Variants in TMEM132D observed in about 807,000 individuals in gnomAD.
TMEM132D encodes the protein mature OL transmembrane protein.
A neutral mutation model predicts 62.3 loss-of-function variants in TMEM132D; 21 were observed. That is an observed-to-expected ratio of 0.34 (90% CI 0.24 to 0.49). The LOEUF (loss-of-function observed/expected upper bound fraction) is 0.49. TMEM132D is among the 20% of genes least tolerant of loss of function. The pLI is 0.99. For missense variants in TMEM132D, 1,346 were observed against 1,402.8 expected, an observed-to-expected ratio of 0.96 and a Z score of 0.65; for synonymous variants, 621 against 575.6, an observed-to-expected ratio of 1.08 and a Z score of -1.13.
At chr12:129,320,778 TA>T (rs1460925923) in intron 4 of TMEM132D, among the ~76,000 whole-genome samples, 4 of 152,146 alleles carry the variant, frequency 2.6e-5, no homozygotes, top group South Asian at 2.1e-4. Flanking sequence ...TGGAGTACAA[TA>T]GGGGCAGTGG....
At chr12:129,521,225 C>T (rs1036675005) in intron 3 of TMEM132D, 7 of 152,208 alleles carry the variant, frequency 4.6e-5, no homozygotes, top group African/African-American at 7.2e-5. Flanking sequence ...GTTGAATTTA[C>T]ACCCAGCATC....
At chr12:129,749,074 G>A (rs1010934036) in intron 1 of TMEM132D, among the ~76,000 whole-genome samples, 2 of 152,280 alleles carry the variant, frequency 1.3e-5, no homozygotes, top group East Asian at 1.9e-4. Flanking sequence ...ATGCTGCTGC[G>A]CTCCATCCAC....
intron 1 of TMEM132D, among the ~76,000 whole-genome samples, chr12:129,822,457 G>A (rs74556907): frequency 0.013 from 1,943 of 152,282 alleles, 46 homozygotes; most frequent in African/African-American, 0.044. Context: ...AGTCACACAG[G>A]ACGCACTTAA....
At chr12:129,111,950 C>G (rs942669724) in intron 5 of TMEM132D, among the ~76,000 whole-genome samples, 1 of 152,170 alleles carries the variant, frequency 6.6e-6, no homozygotes, top group South Asian at 2.1e-4. Context: ...GGTCCCTTGG[C>G]ACTCTTCATC....
chr12:129,831,793 A>G (rs1872840519), intron 1 of TMEM132D, among the ~76,000 whole-genome samples: 2 of 150,404 alleles, frequency 1.3e-5, no homozygotes, highest in South Asian at 4.2e-4. Context: ...CCTCCCAACA[A>G]CCCCCAGGCT....
chr12:129,702,806 C>A (rs941890200), intron 1 of TMEM132D, among the ~76,000 whole-genome samples: 1 of 152,212 alleles, frequency 6.6e-6, no homozygotes, highest in Admixed American at 6.5e-5. Flanking sequence ...TTGATAAACA[C>A]GTGAATGAAT....
chr12:129,557,441 G>A (rs1401797226), intron 2 of TMEM132D, among the ~76,000 whole-genome samples: 6 of 152,218 alleles, frequency 3.9e-5, no homozygotes, highest in Admixed American at 3.9e-4. Flanking sequence ...ATGGCCGGGT[G>A]CCATGGCTCA....
At chr12:129,221,087 G>C (rs1246803806) in intron 4 of TMEM132D, among the ~76,000 whole-genome samples, 4 of 152,320 alleles carry the variant, frequency 2.6e-5, no homozygotes, top group Non-Finnish European at 4.4e-5. Context: ...GTTCAGAAGA[G>C]ACCTGTGAAC....
intron 2 of TMEM132D, among the ~76,000 whole-genome samples, chr12:129,577,826 G>T (rs1361876506): frequency 6.6e-6 from 1 of 152,038 alleles, no homozygotes; most frequent in Non-Finnish European, 1.5e-5. Context: ...TGTAGAGAGA[G>T]AGAATAGTTA....
chr12:129,526,891 G>A (rs959084311), intron 3 of TMEM132D, among the ~76,000 whole-genome samples: 2 of 152,220 alleles, frequency 1.3e-5, no homozygotes, highest in Non-Finnish European at 2.9e-5. Flanking sequence ...AAGAAAGAAA[G>A]GTGCCTGGGA....
At chr12:129,135,880 A>C (rs1174058255) in intron 5 of TMEM132D, among the ~76,000 whole-genome samples, 1 of 152,152 alleles carries the variant, frequency 6.6e-6, no homozygotes, top group African/African-American at 2.4e-5. Flanking sequence ...GTCTCTCTAC[A>C]CAGCATTCTC....
chr12:129,208,361 T>C (rs1333592627), intron 5 of TMEM132D, among the ~76,000 whole-genome samples: 1 of 152,126 alleles, frequency 6.6e-6, no homozygotes, highest in Non-Finnish European at 1.5e-5. Flanking sequence ...GTGAAGAAGA[T>C]TCTGGAATGA....
intron 2 of TMEM132D, among the ~76,000 whole-genome samples, chr12:129,608,333 C>A (rs1878682034): frequency 6.6e-6 from 1 of 152,102 alleles, no homozygotes; most frequent in Admixed American, 6.6e-5. Flanking sequence ...CTTTAGAAGC[C>A]CAACCTAATT....
chr12:129,327,853 A>C (rs1427301080), intron 4 of TMEM132D, among the ~76,000 whole-genome samples: 4 of 152,244 alleles, frequency 2.6e-5, no homozygotes, highest in African/African-American at 9.6e-5. Flanking sequence ...TATCAGATAT[A>C]AACATCTTGA....
chr12:129,537,158 T>TTAAAAAAA, intron 2 of TMEM132D, among the ~76,000 whole-genome samples: 1 of 114,354 alleles, frequency 8.7e-6, no homozygotes. Flanking sequence ...AAACTCTGTC[T>TTAAAAAAA]AAAAAAAAAA....
intron 2 of TMEM132D, among the ~76,000 whole-genome samples, chr12:129,547,091 C>T (rs1876757647): frequency 6.6e-6 from 1 of 152,162 alleles, no homozygotes; most frequent in African/African-American, 2.4e-5. Context: ...CTCTGGGGCT[C>T]TAGGGAAGAA....
intron 2 of TMEM132D, among the ~76,000 whole-genome samples, chr12:129,613,991 C>G (rs962477377): frequency 6.6e-6 from 1 of 152,040 alleles, no homozygotes; most frequent in Non-Finnish European, 1.5e-5. Context: ...GGGGGACTGG[C>G]TGTAGAACCC....
At chr12:129,404,114 CT>C (rs1239652784) in intron 3 of TMEM132D, among the ~76,000 whole-genome samples, 3 of 152,096 alleles carry the variant, frequency 2.0e-5, no homozygotes, top group African/African-American at 7.2e-5. Context: ...GGAGGTTTTT[CT>C]TTCTTTTTTA....
rs150550863 is a variant in TMEM132D, at chr12:129,605,604, T to TATATAC, written c.969-74400_969-74399insGTATAT. On this transcript the variant is annotated intron_variant, in intron 2 of 8. Transcript: ENST00000422113. The stretch of plus-strand genomic sequence containing the variant: ...ATTAGGCATTATATATATATATATA[T>TATATAC]ACACACACATATATATATACACACA... Among the ~76,000 whole-genome samples the TATATAC allele has an allele frequency of 8.8e-3, 932 of 106,276 alleles. 19 individuals carry two copies. The highest frequency in any genetic ancestry group is 0.027 in the South Asian group (87 of 3,240). 69.7% of individuals were successfully genotyped at this position (106,276 alleles called of 152,430 possible).
Sources: allele counts gnomAD v4.1 joint callset (sites outside exome capture counted in the v4.1 genomes callset), GRCh38; gene constraint gnomAD v4.1.1; transcripts MANE v1.5; gene names NCBI Gene and HGNC (gene_info 2026-07-23, HGNC 2026-07-21).